The following CTNNA3 variants were observed in gnomAD, a reference collection of about 807,000 sequenced individuals.
CTNNA3 encodes the protein catenin alpha-3.
A neutral mutation model predicts 95.7 loss-of-function variants in CTNNA3; 76 were observed. The observed-to-expected ratio is 0.79, with a 90% CI of 0.66 to 0.96. The LOEUF is 0.96. CTNNA3 is among the 40% of genes least tolerant of loss of function. The pLI is 0.00. For missense variants in CTNNA3, 1,191 were observed against 1,089.8 expected (o/e 1.09, Z -1.31); for synonymous variants, 431 against 374.4 (o/e 1.15, Z -1.74).
At chr10:67,310,594 A>T (rs1322203279) in intron 5 of CTNNA3, among the ~76,000 whole-genome samples, 2 of 152,180 alleles carry the variant, frequency 1.3e-5, no homozygotes, top group Non-Finnish European at 2.9e-5. Context: ...AATTAAATTG[A>T]CTCACAGTTT....
At chr10:66,854,036 A>G (rs749593036) in intron 7 of CTNNA3, among the ~76,000 whole-genome samples, 2 of 152,018 alleles carry the variant, frequency 1.3e-5, no homozygotes, top group Non-Finnish European at 2.9e-5. Context: ...GCACTTTTCT[A>G]TTCTCTTTCC....
At chr10:66,215,640 G>A in intron 13 of CTNNA3, among the ~76,000 whole-genome samples, 1 of 152,160 alleles carries the variant, frequency 6.6e-6, no homozygotes, top group East Asian at 1.9e-4. Flanking sequence ...GTGGTAGGGA[G>A]ATTGTTAGCT....
chr10:67,402,454 A>G (rs1844958532), intron 5 of CTNNA3, among the ~76,000 whole-genome samples: 1 of 152,222 alleles, frequency 6.6e-6, no homozygotes, highest in Admixed American at 6.5e-5. Context: ...AATTAGAAGT[A>G]GCTATGGTGC....
intron 15 of CTNNA3, among the ~76,000 whole-genome samples, chr10:66,064,684 TCTC>T (rs2080277809): frequency 6.6e-6 from 1 of 152,150 alleles, no homozygotes; most frequent in Admixed American, 6.5e-5. Context: ...GGACTATGTG[TCTC>T]CTCCAAATGC....
chr10:67,413,752 T>C (rs1268258449), intron 5 of CTNNA3, among the ~76,000 whole-genome samples: 3 of 152,042 alleles, frequency 2.0e-5, no homozygotes, highest in Non-Finnish European at 2.9e-5. Context: ...CACAGTGTAA[T>C]AAAACTAGAC....
At chr10:67,620,923 G>GTGTATATATATATACATA (rs1402402526) in intron 2 of CTNNA3, among the ~76,000 whole-genome samples, 3 of 123,808 alleles carry the variant, frequency 2.4e-5, no homozygotes, top group African/African-American at 9.2e-5. Context: ...GTGTGTGTGT[G>GTGTATATATATATACATA]TATATATATA....
At chr10:66,508,012 CA>C (rs1331899097) in intron 11 of CTNNA3, among the ~76,000 whole-genome samples, 1 of 151,968 alleles carries the variant, frequency 6.6e-6, no homozygotes, top group Non-Finnish European at 1.5e-5. Flanking sequence ...TCCTTGTTAG[CA>C]TTTTTTTTAA....
chr10:66,453,607 C>A (rs192613555), intron 11 of CTNNA3, among the ~76,000 whole-genome samples: 23 of 152,308 alleles, frequency 1.5e-4, no homozygotes, highest in Non-Finnish European at 2.8e-4. Flanking sequence ...ATGTAATCAG[C>A]CTAATCGAAG....
chr10:66,685,349 ATATTTTTTTTTTTTTTTTTTTTTTTTTTT>A (rs1847253693), intron 9 of CTNNA3, among the ~76,000 whole-genome samples: 1 of 41,038 alleles, frequency 2.4e-5, no homozygotes, highest in East Asian at 7.4e-4. Context: ...ATATATATAT[ATATTTTTTTTTTTTTTTTTTTTTTTTTTT>A]TTTTTTTTTT....
At chr10:66,224,563 T>G (rs1175999727) in intron 13 of CTNNA3, among the ~76,000 whole-genome samples, 3 of 152,184 alleles carry the variant, frequency 2.0e-5, no homozygotes, top group Non-Finnish European at 4.4e-5. Context: ...AAGAAGGGCG[T>G]AGATGAGTCA....
At chr10:67,300,773 G>C (rs1840233571) in intron 5 of CTNNA3, among the ~76,000 whole-genome samples, 2 of 152,100 alleles carry the variant, frequency 1.3e-5, no homozygotes, top group South Asian at 4.1e-4. Context: ...ATACAGACTG[G>C]TGGGGTCTTG....
chr10:66,927,867 C>A lies in CTNNA3; in HGVS notation c.1048-152343G>T, dbSNP rs1374112945. 1 of 1,614,186 alleles carries A rather than the reference C, an allele frequency of 6.2e-7. No individual in the cohort carries two copies. Among genetic ancestry groups the A allele is most frequent in the African/African-American group, 1.3e-5 (1 of 75,030 alleles). On this transcript the variant is annotated intron_variant, in intron 7 of 17. Coordinates refer to ENST00000433211, the MANE Select transcript of CTNNA3 (RefSeq NM_013266.4). The surrounding 1 kb of genome is among the most constrained non-coding windows in gnomAD (Gnocchi z 4.7). ...TTGCTGGGAATATATGGGAATGCAGCAGAAATATTTGCTCCCTTGTAAACT... is the reference window on the plus strand; with the variant it reads ...TTGCTGGGAATATATGGGAATGCAGAAGAAATATTTGCTCCCTTGTAAACT...
intron 17 of CTNNA3, 120 bp downstream of exon 17, chr10:65,966,492 T>A: frequency 1.3e-6 from 1 of 757,438 alleles, no homozygotes; most frequent in Non-Finnish European, 2.0e-6. Context: ...TAATAAAAAC[T>A]CCAATTTAGT....
intron 13 of CTNNA3, among the ~76,000 whole-genome samples, chr10:66,143,286 G>A (rs554138705): frequency 3.3e-5 from 5 of 152,162 alleles, no homozygotes; most frequent in East Asian, 1.9e-4. Flanking sequence ...AGCAATAGCC[G>A]CTGAAATAGA....
intron 7 of CTNNA3, among the ~76,000 whole-genome samples, chr10:67,084,591 T>C (rs1857207531): frequency 6.6e-6 from 1 of 151,972 alleles, no homozygotes; most frequent in African/African-American, 2.4e-5. Flanking sequence ...TCCTTAACCA[T>C]ATATTTTTAC....
intron 12 of CTNNA3, among the ~76,000 whole-genome samples, chr10:66,283,336 C>T (rs1423013459): frequency 2.6e-5 from 4 of 151,814 alleles, no homozygotes; most frequent in Admixed American, 1.3e-4. Flanking sequence ...AATGCTTTTT[C>T]TCATATACCA....
intron 7 of CTNNA3, among the ~76,000 whole-genome samples, chr10:66,945,583 G>C (rs1185341322): frequency 5.3e-5 from 8 of 152,154 alleles, no homozygotes; most frequent in African/African-American, 1.9e-4. Flanking sequence ...TGTGTTCACT[G>C]GAGTAGCACT....
At chr10:66,064,392 T>C (rs2080272285) in intron 15 of CTNNA3, among the ~76,000 whole-genome samples, 2 of 152,212 alleles carry the variant, frequency 1.3e-5, no homozygotes, top group African/African-American at 4.8e-5. Flanking sequence ...CTTCTTTGAA[T>C]GTGTCAACAC....
chr10:67,016,241 AG>A (rs1852650902), intron 7 of CTNNA3, among the ~76,000 whole-genome samples: 1 of 152,160 alleles, frequency 6.6e-6, no homozygotes, highest in African/African-American at 2.4e-5. Context: ...TACAATGGGG[AG>A]GGGAAGAGGA....
Sources: allele counts gnomAD v4.1 joint callset (sites outside exome capture counted in the v4.1 genomes callset), GRCh38; gene constraint gnomAD v4.1.1; non-coding constraint Gnocchi (gnomAD v3.1); transcripts MANE v1.5; gene names NCBI Gene and HGNC (gene_info 2026-07-23, HGNC 2026-07-21).